The following LRMDA variants were observed in gnomAD, a reference collection of about 807,000 sequenced individuals.
LRMDA encodes the protein leucine rich melanocyte differentiation associated.
Under a neutral mutation model 29.8 loss-of-function variants are expected in LRMDA, and 18 were observed. The ratio of observed to expected loss-of-function variants is 0.60; its 90% CI spans 0.42 to 0.90. The LOEUF is 0.90. Among genes scored for constraint, LRMDA ranks in the 40% least tolerant of loss-of-function variants. The pLI is 0.00. For synonymous variants in LRMDA, 125 were observed against 109.4 expected (o/e 1.14, Z -0.89); for missense variants, 273 against 273.9 (o/e 1.00, Z 0.02).
In LRMDA at chr10:76,508,643, C is replaced by T. The variant is rs142190539; in HGVS notation, c.602-48566C>T. 2.8e-3 allele frequency among the ~76,000 whole-genome samples: 413 copies of T among 149,948 alleles called. 1 individual carries two copies. The highest frequency in any genetic ancestry group is 4.9e-3 in the Non-Finnish European group (331 of 67,290). On this transcript the variant is annotated intron_variant, in intron 6 of 6. Transcript: ENST00000611255. ...TATTTATTGTGCTATTCCTTATTTT[C>T]TTTTATAAGTTGATCTTATACTTTT...
At chr10:76,052,941 G>A (rs748121796) in intron 4 of LRMDA, among the ~76,000 whole-genome samples, 2 of 152,034 alleles carry the variant, frequency 1.3e-5, no homozygotes, top group East Asian at 3.9e-4. Flanking sequence ...AACTTAGACC[G>A]ATCTCTTTTC....
At chr10:75,497,210 G>GT (rs903078936) in intron 2 of LRMDA, among the ~76,000 whole-genome samples, 164 of 151,272 alleles carry the variant, frequency 1.1e-3, no homozygotes, top group African/African-American at 3.6e-3. Context: ...GAAAGATCCA[G>GT]TTTTTTTTTA....
chr10:75,812,184 A>T (rs1360202611), intron 2 of LRMDA, among the ~76,000 whole-genome samples: 3 of 142,696 alleles, frequency 2.1e-5, no homozygotes, highest in African/African-American at 8.3e-5. Flanking sequence ...GTATCAGGGA[A>T]TCAATAAAAA....
intron 6 of LRMDA, among the ~76,000 whole-genome samples, chr10:76,408,395 A>G (rs1268019753): frequency 6.6e-6 from 1 of 152,140 alleles, no homozygotes; most frequent in Non-Finnish European, 1.5e-5. Context: ...ACCTCTGTGG[A>G]GTTTACTTAA....
chr10:75,563,630 A>G (rs1022641337), intron 2 of LRMDA, among the ~76,000 whole-genome samples: 2 of 151,770 alleles, frequency 1.3e-5, no homozygotes, highest in Non-Finnish European at 2.9e-5. Flanking sequence ...TTCCAGTTTT[A>G]CTGTTCTGTT....
chr10:76,180,855 C>T (rs572685406), intron 5 of LRMDA, among the ~76,000 whole-genome samples: 19 of 152,236 alleles, frequency 1.2e-4, no homozygotes, highest in African/African-American at 4.6e-4. Context: ...AGAAAGCTTT[C>T]CTGGCCTTAT....
chr10:75,882,193 G>A (rs980502809), intron 2 of LRMDA, among the ~76,000 whole-genome samples: 2 of 152,306 alleles, frequency 1.3e-5, no homozygotes, highest in East Asian at 3.9e-4. Flanking sequence ...ACCTGGGGAG[G>A]CGAGCAGGGT....
Position 75,973,068 on chromosome 10 carries a change from AG to A in LRMDA, c.132-62939del, listed in dbSNP as rs1196859409. On this transcript the variant is annotated intron_variant, in intron 2 of 6. Transcript: ENST00000611255. ...CAGCAGCAGCAGCAGCAGCAGCAGCAGCAGCTACTCCTGTTTACGTGTTCTT... is the reference window on the plus strand; with the variant it reads ...CAGCAGCAGCAGCAGCAGCAGCAGCACAGCTACTCCTGTTTACGTGTTCTT... Among the ~76,000 whole-genome samples, 3 of 146,438 alleles carry A rather than the reference AG, an allele frequency of 2.0e-5. No homozygotes were observed. The East Asian group carries it at 6.0e-4, about 29-fold the overall frequency.
chr10:76,075,158 C>G (rs527524043), intron 5 of LRMDA, among the ~76,000 whole-genome samples: 1 of 152,190 alleles, frequency 6.6e-6, no homozygotes, highest in African/African-American at 2.4e-5. Flanking sequence ...GACCTGTGTC[C>G]GCTCAAAACT....
At chr10:76,209,585 G>T (rs1851599276) in intron 5 of LRMDA, among the ~76,000 whole-genome samples, 1 of 152,176 alleles carries the variant, frequency 6.6e-6, no homozygotes, top group Non-Finnish European at 1.5e-5. Context: ...GATTTCTGGG[G>T]TCCTTGCTTT....
chr10:76,205,607 C>A (rs1447413833), intron 5 of LRMDA, among the ~76,000 whole-genome samples: 1 of 152,132 alleles, frequency 6.6e-6, no homozygotes, highest in Non-Finnish European at 1.5e-5. Flanking sequence ...TTGTCTGAAT[C>A]ATAATGCTAC....
intron 2 of LRMDA, among the ~76,000 whole-genome samples, chr10:75,685,882 A>G (rs967962254): frequency 4.6e-5 from 7 of 152,244 alleles, no homozygotes; most frequent in African/African-American, 1.7e-4. Context: ...GCTTGTATCT[A>G]TCGATTGCTT....
intron 6 of LRMDA, among the ~76,000 whole-genome samples, chr10:76,394,204 C>A (rs1209382616): frequency 6.6e-6 from 1 of 152,076 alleles, no homozygotes; most frequent in Non-Finnish European, 1.5e-5. Flanking sequence ...TTTAAATAAA[C>A]CATTTGTTTA....
At chr10:76,300,727 C>A (rs1840470517) in intron 5 of LRMDA, among the ~76,000 whole-genome samples, 1 of 152,120 alleles carries the variant, frequency 6.6e-6, no homozygotes, top group African/African-American at 2.4e-5. Context: ...TGTAAGTTAC[C>A]TTAATTTGCA....
At chr10:76,194,049 A>T (rs1851291964) in intron 5 of LRMDA, among the ~76,000 whole-genome samples, 1 of 152,208 alleles carries the variant, frequency 6.6e-6, no homozygotes, top group African/African-American at 2.4e-5. Context: ...AAGGGACAGG[A>T]TATAGCAGAA....
At chr10:76,031,690 A>T (rs1019687355) in intron 2 of LRMDA, among the ~76,000 whole-genome samples, 24 of 152,164 alleles carry the variant, frequency 1.6e-4, no homozygotes, top group Admixed American at 2.0e-4. Context: ...GACCCAGGTT[A>T]GGCCCTTTAG....
At chr10:76,409,897 A>T (rs1211244559) in intron 6 of LRMDA, among the ~76,000 whole-genome samples, 1 of 152,212 alleles carries the variant, frequency 6.6e-6, no homozygotes, top group Non-Finnish European at 1.5e-5. Flanking sequence ...TAGCGACTCA[A>T]TATGGTAACA....
chr10:75,791,181 G>A (rs571199369), intron 2 of LRMDA, among the ~76,000 whole-genome samples: 34 of 152,240 alleles, frequency 2.2e-4, no homozygotes, highest in Non-Finnish European at 4.3e-4. Flanking sequence ...AAATCATACC[G>A]TCCTGTAGCC....
chr10:75,595,958 C>A (rs1193280947), intron 2 of LRMDA, among the ~76,000 whole-genome samples: 1 of 152,054 alleles, frequency 6.6e-6, no homozygotes, highest in Admixed American at 6.5e-5. Flanking sequence ...TATCTGGAAT[C>A]TTGGAGAGTA....
Sources: allele counts gnomAD v4.1 joint callset (sites outside exome capture counted in the v4.1 genomes callset), GRCh38; gene constraint gnomAD v4.1.1; transcripts MANE v1.5; gene names NCBI Gene and HGNC (gene_info 2026-07-23, HGNC 2026-07-21).